Variants in MYO1C observed in about 807,000 individuals in gnomAD.
MYO1C encodes myosin IC.
Under a neutral mutation model 150.8 loss-of-function variants are expected in MYO1C, and 104 were observed. That is an observed-to-expected ratio of 0.69 (90% CI 0.59 to 0.81). The LOEUF (loss-of-function observed/expected upper bound fraction) is 0.81, where lower values mean the gene tolerates loss of function less well. Ranked by LOEUF, MYO1C falls within the 30% of genes least tolerant of loss-of-function variation. The pLI is 0.00. For synonymous variants in MYO1C, 663 were observed against 579.9 expected (o/e 1.14, Z -2.06); for missense variants, 1,504 against 1,435.0 (o/e 1.05, Z -0.78).
rs7222319 is a variant in MYO1C at position 1,483,781 on chromosome 17, T to C, written c.232-56A>G. On this transcript the variant is annotated intron_variant, in intron 2 of 31. Coordinates refer to ENST00000648651, the MANE Select transcript of MYO1C (RefSeq NM_001080779.2). ...ATCCCGGGCCAGGTGCGATGGCTCA[T>C]GCCTGTAATCCCAGCACTTTGGGAG... 0.077 allele frequency: 107,470 copies of C among 1,390,574 alleles called. 5,404 individuals carry two copies. Among genetic ancestry groups the C allele is most frequent in the African/African-American group, 0.23 (16,234 of 70,358 alleles). 86.1% of individuals were successfully genotyped at this position (1,390,574 alleles called of 1,614,324 possible).
At chr17:1,468,582 C>T (rs2074231971) in intron 25 of MYO1C, 86 bp from the exon 26 acceptor site, 3 of 1,058,130 alleles carry the variant, frequency 2.8e-6, no homozygotes, top group Non-Finnish European at 4.3e-6. Context: ...CCTGAGACAG[C>T]CTCCCTCACC....
intron 1 of MYO1C, among the ~76,000 whole-genome samples, chr17:1,486,719 T>C (rs541687443): frequency 5.5e-4 from 84 of 152,280 alleles, no homozygotes; most frequent in Non-Finnish European, 1.1e-3. Flanking sequence ...TTTTACCATG[T>C]TGGCCAAGCT....
chr17:1,485,590 G>C, intron 1 of MYO1C: 2 of 915,262 alleles, frequency 2.2e-6, no homozygotes, highest in Non-Finnish European at 2.8e-6. Context: ...TTTCCACCCG[G>C]AATTCCTGGG....
At chr17:1,491,800 G>T in intron 1 of MYO1C, 2 of 346,824 alleles carry the variant, frequency 5.8e-6, no homozygotes, top group Non-Finnish European at 8.1e-6. Flanking sequence ...GCCTCGGTGC[G>T]TGCGGCCCCC....
At chr17:1,469,475 T>A in intron 25 of MYO1C, 56 bp downstream of exon 25, 1 of 1,338,580 alleles carries the variant, frequency 7.5e-7, no homozygotes, top group Non-Finnish European at 1.0e-6. Flanking sequence ...CTTTGAGCAA[T>A]GCTTGCGACT....
rs561580494 is a variant in MYO1C, at chr17:1,478,131, T to C, written c.1357A>G (p.Thr453Ala). The change falls in exon 12 of 32, where the codon ACG (threonine) becomes GCG (alanine). Residue 453 changes from threonine (T) to alanine (A), a missense_variant. Coordinates refer to ENST00000648651, the MANE Select transcript of MYO1C (RefSeq NM_001080779.2). The surrounding 1 kb of genome is among the most constrained non-coding windows in gnomAD (Gnocchi z 6.3). ...EKLQQLFIEL[T>A]LKSEQEEYEA... ...TACTCCTCCTGCTCCGACTTGAGCG[T>C]GAGCTCGATGAAGAGCTGCTGCAGC... 2.1e-5 allele frequency: 34 copies of C among 1,614,098 alleles called. 1 individual carries two copies. In the South Asian group the frequency reaches 3.4e-4, roughly 16 times the overall value.
intron 1 of MYO1C, among the ~76,000 whole-genome samples, chr17:1,488,012 G>T (rs1376777530): frequency 6.6e-6 from 1 of 152,192 alleles, no homozygotes; most frequent in Non-Finnish European, 1.5e-5. Context: ...TAGAAGACGG[G>T]GTAGAGGGTC....
In MYO1C at chr17:1,472,125, G is replaced by T. The variant is rs1331840298; in HGVS notation, c.1901C>A (p.Pro634His). Residue 634 changes from proline (P) to histidine (H), a missense_variant and splice_region_variant, in exon 18 of 32, where the codon CCC (proline) becomes CAC (histidine). Physicochemically the swap from Pro to His is moderately conservative, Grantham distance 77. Transcript: ENST00000648651. Reference protein sequence around the residue: ...RCIKPNDAKQPGRFDEVLIRH... With the variant: ...RCIKPNDAKQHGRFDEVLIRH... ...AGTCCCCCGTGGGAGGGGCCTACCG[G>T]GCTGTTTGGCATCATTGGGTTTGAT... 1 of 1,614,062 alleles carries T rather than the reference G, an allele frequency of 6.2e-7. No homozygotes were observed. The highest frequency in any genetic ancestry group is 1.1e-5 in the South Asian group (1 of 91,078).
At chr17:1,491,600 C>T in intron 1 of MYO1C, 1 of 981,746 alleles carries the variant, frequency 1.0e-6, no homozygotes, top group African/African-American at 1.8e-5. Context: ...GAGTACCCAC[C>T]GGCGTGGCTC....
At chr17:1,480,144 CAAAAAAAAAAA>C (rs34326248) in intron 7 of MYO1C, among the ~76,000 whole-genome samples, 1 of 42,680 alleles carries the variant, frequency 2.3e-5, no homozygotes, top group African/African-American at 9.1e-5. Flanking sequence ...GACTCCATCT[CAAAAAAAAAAA>C]AAAAAAAAAA....
At chr17:1,489,619 G>A (rs2074706752) in intron 1 of MYO1C, among the ~76,000 whole-genome samples, 1 of 152,242 alleles carries the variant, frequency 6.6e-6, no homozygotes, top group Non-Finnish European at 1.5e-5. Context: ...GGTTGAGGCT[G>A]CAGTGAGCTG....
intron 1 of MYO1C, among the ~76,000 whole-genome samples, chr17:1,488,199 C>T (rs918797592): frequency 3.9e-5 from 6 of 152,144 alleles, no homozygotes; most frequent in Non-Finnish European, 7.4e-5. Flanking sequence ...GGAATCCGCG[C>T]GCGGAGGGGT....
intron 1 of MYO1C, chr17:1,492,133 A>T: frequency 2.1e-6 from 1 of 485,822 alleles, no homozygotes; most frequent in East Asian, 3.9e-5. Flanking sequence ...AGCAGCCGGC[A>T]CTTGCCTTTT....
At chr17:1,483,911 G>C (rs111993019) in intron 2 of MYO1C, among the ~76,000 whole-genome samples, 186 bp from the exon 3 acceptor site, 1 of 151,968 alleles carries the variant, frequency 6.6e-6, no homozygotes, top group Non-Finnish European at 1.5e-5. Flanking sequence ...GCGTGGTGGC[G>C]GGTGCCTGTA....
In MYO1C at chr17:1,465,594, G is replaced by C; in HGVS notation, c.*132C>G. 1 of 950,872 alleles carries C rather than the reference G, an allele frequency of 1.1e-6. No individual in the cohort carries two copies. Among genetic ancestry groups the C allele is most frequent in the Non-Finnish European group, 1.4e-6 (1 of 689,966 alleles). 58.9% of individuals were successfully genotyped at this position (950,872 alleles called of 1,614,324 possible). ...TCCCTCAAGAGAGGGATGGGCAGGA[G>C]GTGGGAGATTGCAGGTGGGCTTCGG... On this transcript the variant is annotated 3_prime_UTR_variant, in exon 32 of 32. Coordinates refer to ENST00000648651, the MANE Select transcript of MYO1C (RefSeq NM_001080779.2).
rs369111083 is a variant in MYO1C at position 1,483,588 on chromosome 17, C to T, written c.347+22G>A. ...CAGATGGAGACAGAGGGGTCGCTCC[C>T]GGAGGGGCTGGGGTCACTCACAGGT... On this transcript the variant is annotated intron_variant, in intron 3 of 31. Transcript: ENST00000648651. 60 of 1,574,900 alleles carry T rather than the reference C, an allele frequency of 3.8e-5. No homozygotes were observed. The African/African-American group carries it at 5.5e-4, about 15-fold the overall frequency.
intron 2 of MYO1C, 84 bp from the exon 3 acceptor site, chr17:1,483,809 C>G (rs1416693760): frequency 3.0e-5 from 34 of 1,120,912 alleles, no homozygotes; most frequent in Non-Finnish European, 4.5e-5. Context: ...TTTGGGAGGC[C>G]AAGGTGGGCG....
Position 1,479,301 on chromosome 17 carries a change from G to A in MYO1C, c.1092+130C>T, listed in dbSNP as rs1231334503. 2.1e-5 allele frequency: 15 copies of A among 706,588 alleles called. No individual in the cohort carries two copies. In the Admixed American group the frequency reaches 2.9e-4, roughly 14 times the overall value. 43.8% of individuals were successfully genotyped at this position (706,588 alleles called of 1,614,324 possible). A position where few individuals can be genotyped will look rare whatever the true frequency, so the allele number is the denominator to read the frequency against. ...AGCCACGGCGCTCGGCTCTCACTCT[G>A]CTTCTCTGAGCAGCCTTCCTTCCAT... On this transcript the variant is annotated intron_variant, in intron 9 of 31. Coordinates refer to ENST00000648651, the MANE Select transcript of MYO1C (RefSeq NM_001080779.2). This position sits in a 1 kb window ranked among gnomAD's most constrained non-coding sequence, Gnocchi z 4.2.
chr17:1,482,984 C>T lies in MYO1C; in HGVS notation c.423G>A (p.Glu141=), dbSNP rs2074566316. The T allele has an allele frequency of 3.1e-6, 5 of 1,612,706 alleles. No homozygotes were observed. In the East Asian group the frequency reaches 8.9e-5, roughly 29 times the overall value. ...RRDQAVMISG[E]SGAGKTEATK... is the part of the protein sequence containing the mutation. ...TGGCCTCGGTCTTGCCTGCCCCGCT[C>T]TCCCCAGAGATCATCACAGCCTGGT... Residue 141 remains glutamate (E), a synonymous_variant, in exon 4 of 32, where the codon GAG becomes GAA. Transcript: ENST00000648651.
Sources: allele counts gnomAD v4.1 joint callset (sites outside exome capture counted in the v4.1 genomes callset), GRCh38; gene constraint gnomAD v4.1.1; non-coding constraint Gnocchi (gnomAD v3.1); transcripts MANE v1.5; gene names NCBI Gene and HGNC (gene_info 2026-07-23, HGNC 2026-07-21).